The following RORA variants were observed in gnomAD, a reference collection of about 807,000 sequenced individuals.
RORA encodes the protein RAR related orphan receptor A.
In RORA, 7 loss-of-function variants were observed where a neutral mutation model predicts 69.5. The ratio of observed to expected loss-of-function variants is 0.10; its 90% CI spans 0.06 to 0.19. RORA has a LOEUF of 0.19. RORA is among the 10% of genes least tolerant of loss of function. The pLI is 1.00. For synonymous variants in RORA, 261 were observed against 240.8 expected (o/e 1.08, Z -0.78); for missense variants, 457 against 663.0 (o/e 0.69, Z 3.41).
At chr15:61,032,300 C>T (rs1896214643) in intron 1 of RORA, among the ~76,000 whole-genome samples, 1 of 152,120 alleles carries the variant, frequency 6.6e-6, no homozygotes. Context: ...AAGTGTTGAA[C>T]TGAAGAAGAA....
chr15:60,589,154 C>G (rs1388030735), intron 2 of RORA, among the ~76,000 whole-genome samples: 1 of 152,216 alleles, frequency 6.6e-6, no homozygotes, highest in Non-Finnish European at 1.5e-5. Context: ...TGAAGGGATA[C>G]CAGGCAATGG....
At chr15:60,695,980 C>T (rs538678805) in intron 1 of RORA, among the ~76,000 whole-genome samples, 283 of 152,108 alleles carry the variant, frequency 1.9e-3, no homozygotes, top group African/African-American at 6.6e-3. Flanking sequence ...AAACCACCGG[C>T]GCTTCAAAGA....
At chr15:60,891,581 T>TA (rs2073813207) in intron 1 of RORA, among the ~76,000 whole-genome samples, 1 of 152,052 alleles carries the variant, frequency 6.6e-6, no homozygotes, top group Non-Finnish European at 1.5e-5. Flanking sequence ...CATCAGCCAG[T>TA]AAGTAGGTGG....
chr15:60,501,073 C>A lies in RORA; in HGVS notation c.1184-4G>T, dbSNP rs1169105711. 6.6e-7 allele frequency: 1 copy of A among 1,516,808 alleles called. No individual in the cohort carries two copies. Among genetic ancestry groups the A allele is most frequent in the African/African-American group, 1.4e-5 (1 of 72,104 alleles). The allele number at this position is 1,516,808 out of a possible 1,614,324, so 94.0% of individuals were successfully genotyped here. ...AAGCTAATAAAGTCTTCACAACCTG[C>A]CAAAATGAAAACAAAGACAGTTTAG... On this transcript the variant is annotated splice_polypyrimidine_tract_variant and splice_region_variant and intron_variant, in intron 8 of 10. Coordinates refer to ENST00000335670, the MANE Select transcript of RORA (RefSeq NM_134261.3).
chr15:60,640,360 C>T (rs986111210), intron 2 of RORA, among the ~76,000 whole-genome samples: 7 of 152,220 alleles, frequency 4.6e-5, no homozygotes, highest in African/African-American at 9.6e-5. Context: ...GTCAGTCCAA[C>T]GTGTAGGCCG....
Position 61,017,809 on chromosome 15 carries a change from C to A in RORA, c.166+211244G>T, listed in dbSNP as rs544817701. Among the ~76,000 whole-genome samples the A allele has an allele frequency of 1.6e-4, 24 of 152,304 alleles. No individual in the cohort carries two copies. The South Asian group carries it at 3.3e-3, about 21-fold the overall frequency. ...TGCATTTATTTCCATTTCTAACCTT[C>A]CTGGAGACAAACACATGTGCATTCC... On this transcript the variant is annotated intron_variant, in intron 1 of 10. Transcript: ENST00000335670.
intron 2 of RORA, among the ~76,000 whole-genome samples, chr15:60,640,122 G>C (rs914188777): frequency 2.0e-5 from 3 of 152,108 alleles, no homozygotes; most frequent in African/African-American, 7.2e-5. Context: ...AGAAGATGTG[G>C]GTAAAATAAT....
chr15:61,125,140 T>C (rs1270184702), intron 1 of RORA, among the ~76,000 whole-genome samples: 5 of 152,182 alleles, frequency 3.3e-5, no homozygotes, highest in Admixed American at 3.3e-4. Flanking sequence ...ACCTTTTTGG[T>C]CCACTAAATG....
At chr15:60,767,563 C>T (rs1230519835) in intron 1 of RORA, among the ~76,000 whole-genome samples, 1 of 152,116 alleles carries the variant, frequency 6.6e-6, no homozygotes, top group Non-Finnish European at 1.5e-5. Flanking sequence ...GCAAGAAAGT[C>T]CCCAGGAAGG....
chr15:60,503,985 T>C (rs929941200), intron 6 of RORA, among the ~76,000 whole-genome samples: 45 of 151,998 alleles, frequency 3.0e-4, no homozygotes, highest in African/African-American at 1.1e-3. Context: ...GTATGTTTAA[T>C]AGAGACAGAG....
intron 1 of RORA, among the ~76,000 whole-genome samples, chr15:61,199,301 T>G (rs748441413): frequency 6.6e-6 from 1 of 152,176 alleles, no homozygotes; most frequent in Non-Finnish European, 1.5e-5. Context: ...CTTTTCCTCA[T>G]GGACTCCTGG....
intron 2 of RORA, among the ~76,000 whole-genome samples, chr15:60,559,744 A>G (rs1192835314): frequency 7.2e-5 from 11 of 152,240 alleles, no homozygotes; most frequent in Admixed American, 7.2e-4. Context: ...CTTGATAATT[A>G]TCACAAGTAC....
chr15:60,681,121 C>A (rs2070636199), intron 1 of RORA, among the ~76,000 whole-genome samples: 1 of 152,150 alleles, frequency 6.6e-6, no homozygotes, highest in Admixed American at 6.5e-5. Flanking sequence ...AACCTAATTT[C>A]TCCATAGAAG....
chr15:61,048,075 T>C (rs1425117995), intron 1 of RORA, among the ~76,000 whole-genome samples: 1 of 152,224 alleles, frequency 6.6e-6, no homozygotes, highest in Non-Finnish European at 1.5e-5. Context: ...TTGAATAAAG[T>C]GTGTAACCTG....
At chr15:61,171,085 G>T (rs746472157) in intron 1 of RORA, among the ~76,000 whole-genome samples, 2 of 152,128 alleles carry the variant, frequency 1.3e-5, no homozygotes, top group Non-Finnish European at 2.9e-5. Flanking sequence ...ATTTAAGCCC[G>T]CCCTCTTTCC....
intron 2 of RORA, among the ~76,000 whole-genome samples, chr15:60,650,377 AG>A (rs1390310998): frequency 1.3e-5 from 2 of 152,140 alleles, no homozygotes; most frequent in Non-Finnish European, 2.9e-5. Flanking sequence ...CCTCGACCTC[AG>A]GAGGGCATTC....
chr15:60,759,171 T>C (rs1385164175), intron 1 of RORA, among the ~76,000 whole-genome samples: 1 of 152,216 alleles, frequency 6.6e-6, no homozygotes, highest in Non-Finnish European at 1.5e-5. Flanking sequence ...CATGCATCTA[T>C]GGCCTCATGT....
At chr15:60,613,044 A>G (rs926620203) in intron 2 of RORA, among the ~76,000 whole-genome samples, 14 of 151,206 alleles carry the variant, frequency 9.3e-5, no homozygotes, top group Non-Finnish European at 7.4e-5. Flanking sequence ...AATTCTATTT[A>G]AAGTGTAGGT....
At chr15:60,861,496 C>A (rs779964008) in intron 1 of RORA, among the ~76,000 whole-genome samples, 1 of 152,134 alleles carries the variant, frequency 6.6e-6, no homozygotes, top group Non-Finnish European at 1.5e-5. Flanking sequence ...AAAAGGCAGA[C>A]AGTCACTCTC....
Sources: allele counts gnomAD v4.1 joint callset (sites outside exome capture counted in the v4.1 genomes callset), GRCh38; gene constraint gnomAD v4.1.1; transcripts MANE v1.5; gene names NCBI Gene and HGNC (gene_info 2026-07-23, HGNC 2026-07-21).